Variants in PPP1R42 observed in about 807,000 individuals in gnomAD.
The protein encoded by PPP1R42 is protein phosphatase 1 regulatory subunit 42, also known as leucine rich repeat containing 67.
Under a neutral mutation model 31.0 loss-of-function variants are expected in PPP1R42, and 34 were observed. The observed-to-expected ratio is 1.10, with a 90% CI of 0.83 to 1.46. The LOEUF (loss-of-function observed/expected upper bound fraction) is 1.46. Among genes scored for constraint, PPP1R42 ranks in the 40% most tolerant of loss-of-function variants. The pLI, the probability that PPP1R42 is intolerant of heterozygous loss-of-function variation, is 0.00. For missense variants in PPP1R42, 268 were observed against 303.0 expected (o/e 0.88, Z 0.86); for synonymous variants, 103 against 109.8 (o/e 0.94, Z 0.39).
intron 7 of PPP1R42, among the ~76,000 whole-genome samples, chr8:66,979,725 GA>G (rs1473245410): frequency 2.0e-5 from 3 of 151,946 alleles, no homozygotes; most frequent in Non-Finnish European, 2.9e-5. Context: ...CACATTTTAG[GA>G]TTTTTTTTCT....
In PPP1R42 at chr8:67,010,771, G is replaced by T. The variant is rs1164419887; in HGVS notation, c.496C>A (p.Leu166Ile). ...NNIDDITDLE[L>I]LENLNQLIAV... ...ATGAGCTGATTAAGATTCTCTAGTA[G>T]TTCTAAGTCTGTAATGTCATCAATA... The change falls in exon 5 of 8, where the codon CTA becomes ATA. Residue 166 changes from leucine to isoleucine, a missense_variant. By Grantham distance (5) the Leu-to-Ile change is conservative. Coordinates refer to ENST00000685739, the MANE Select transcript of PPP1R42 (RefSeq NM_001364910.1). The T allele has an allele frequency of 3.1e-6, 5 of 1,607,728 alleles. No individual in the cohort carries two copies. The South Asian group carries it at 5.6e-5, about 18-fold the overall frequency.
At chr8:66,982,857 C>A (rs1392254898) in intron 6 of PPP1R42, among the ~76,000 whole-genome samples, 1 of 152,122 alleles carries the variant, frequency 6.6e-6, no homozygotes, top group Admixed American at 6.6e-5. Flanking sequence ...CTCACTGCAA[C>A]CTCAAAACTC....
chr8:66,968,493 C>T (rs146005684), intron 7 of PPP1R42: 30,544 of 983,638 alleles, frequency 0.031, 561 homozygotes, highest in Non-Finnish European at 0.034. Flanking sequence ...TGTAGGGACA[C>T]GTCTGCTGAT....
intron 7 of PPP1R42, among the ~76,000 whole-genome samples, chr8:66,981,450 G>T (rs1814833182): frequency 6.6e-6 from 1 of 151,248 alleles, no homozygotes; most frequent in Non-Finnish European, 1.5e-5. Flanking sequence ...CGCAATCTCG[G>T]CTCACTGCAG....
intron 6 of PPP1R42, among the ~76,000 whole-genome samples, chr8:66,983,154 G>C (rs1229501893): frequency 6.6e-6 from 1 of 152,086 alleles, no homozygotes; most frequent in Non-Finnish European, 1.5e-5. Context: ...ATTCCCCAAT[G>C]AGAAATAATC....
rs972752806 is a variant in PPP1R42 at position 66,984,461 on chromosome 8, G to C, written c.671-2281C>G. ...ACTACCACGTTGACACCCTTGTGCA[G>C]TAACACCACTCCTATCAGGTACAGT... On this transcript the variant is annotated intron_variant, in intron 6 of 7. Transcript: ENST00000685739. 4 of 1,280,038 alleles carry C rather than the reference G, an allele frequency of 3.1e-6. No individual in the cohort carries two copies. The African/African-American group carries it at 5.8e-5, about 19-fold the overall frequency. 79.3% of individuals were successfully genotyped at this position (1,280,038 alleles called of 1,614,324 possible). A position where few individuals can be genotyped will look rare whatever the true frequency, so the allele number is the denominator to read the frequency against.
chr8:66,994,736 T>A (rs1815288390), intron 5 of PPP1R42, among the ~76,000 whole-genome samples: 1 of 152,216 alleles, frequency 6.6e-6, no homozygotes, highest in Admixed American at 6.5e-5. Flanking sequence ...TTACAATATT[T>A]ATAATAATAC....
At chr8:66,972,398 A>AT (rs952238416) in intron 7 of PPP1R42, among the ~76,000 whole-genome samples, 7 of 150,940 alleles carry the variant, frequency 4.6e-5, no homozygotes, top group Admixed American at 2.0e-4. Flanking sequence ...TTTAGAGACC[A>AT]TTTTTTTTTG....
chr8:66,970,260 A>G (rs575457515), intron 7 of PPP1R42, among the ~76,000 whole-genome samples: 35 of 151,782 alleles, frequency 2.3e-4, no homozygotes, highest in African/African-American at 8.2e-4. Context: ...CCTCCAAAGT[A>G]GCTGGGACTA....
chr8:66,975,632 T>A (rs1814648046), intron 7 of PPP1R42, among the ~76,000 whole-genome samples: 1 of 151,844 alleles, frequency 6.6e-6, no homozygotes, highest in South Asian at 2.1e-4. Context: ...GGTGACAGAG[T>A]GATACTCTAT....
intron 4 of PPP1R42, 39 bp downstream of exon 4, chr8:67,012,919 C>A: frequency 6.5e-7 from 1 of 1,537,322 alleles, no homozygotes; most frequent in South Asian, 1.3e-5. Flanking sequence ...ACTTGTTAAT[C>A]ACTATATTCC....
rs147104518 is a variant in PPP1R42, at chr8:67,023,089, G to A, written c.-84-5258C>T. On this transcript the variant is annotated intron_variant, in intron 1 of 7. Transcript: ENST00000685739. ...TTAAAATTTTTTCTTTTATATTTAA[G>A]GCCATGCATAAGTTTTTTGTTTTGT... 1.6e-4 allele frequency among the ~76,000 whole-genome samples: 21 copies of A among 130,702 alleles called. No individual in the cohort carries two copies. In the East Asian group the frequency reaches 4.0e-3, roughly 25 times the overall value. The allele number at this position is 130,702 out of a possible 152,430, so 85.7% of individuals were successfully genotyped here. A position where few individuals can be genotyped will look rare whatever the true frequency, so the allele number is the denominator to read the frequency against.
chr8:67,023,461 A>G (rs1393833749), intron 1 of PPP1R42, among the ~76,000 whole-genome samples: 1 of 152,166 alleles, frequency 6.6e-6, no homozygotes, highest in East Asian at 1.9e-4. Context: ...TGATATTGCA[A>G]ATGTTATTCT....
chr8:66,976,453 G>C (rs1277967798), intron 7 of PPP1R42, among the ~76,000 whole-genome samples: 1 of 152,122 alleles, frequency 6.6e-6, no homozygotes, highest in East Asian at 1.9e-4. Context: ...ACAAAGGTTG[G>C]GGACAGCTGC....
At chr8:66,977,517 CT>C (rs1563414801) in intron 7 of PPP1R42, among the ~76,000 whole-genome samples, 1 of 151,462 alleles carries the variant, frequency 6.6e-6, no homozygotes, top group African/African-American at 2.4e-5. Context: ...TTCTTTCTTT[CT>C]TTTTTTAGAT....
chr8:67,023,723 C>T (rs538660742), intron 1 of PPP1R42, among the ~76,000 whole-genome samples: 79 of 151,412 alleles, frequency 5.2e-4, no homozygotes, highest in Non-Finnish European at 1.1e-3. Flanking sequence ...TGAATAGAAG[C>T]GATGAGGGCG....
At chr8:66,993,620 T>C (rs563500845) in intron 5 of PPP1R42, among the ~76,000 whole-genome samples, 1 of 152,326 alleles carries the variant, frequency 6.6e-6, no homozygotes, top group Admixed American at 6.5e-5. Context: ...CAGATCCCTC[T>C]CTTATAATAG....
At chr8:66,993,296 T>C (rs1000745440) in intron 5 of PPP1R42, among the ~76,000 whole-genome samples, 1 of 152,228 alleles carries the variant, frequency 6.6e-6, no homozygotes, top group East Asian at 1.9e-4. Context: ...CTTCACACTG[T>C]AGCCATGCAG....
At chr8:67,018,976 C>T (rs2129537094) in intron 1 of PPP1R42, among the ~76,000 whole-genome samples, 1 of 151,684 alleles carries the variant, frequency 6.6e-6, no homozygotes, top group South Asian at 2.1e-4. Flanking sequence ...ACTATAGGCA[C>T]ACGCCGCCAT....
Sources: allele counts gnomAD v4.1 joint callset (sites outside exome capture counted in the v4.1 genomes callset), GRCh38; gene constraint gnomAD v4.1.1; transcripts MANE v1.5; gene names NCBI Gene and HGNC (gene_info 2026-07-23, HGNC 2026-07-21).